Variants in KCNIP4 observed in about 807,000 individuals in gnomAD.
KCNIP4 encodes potassium voltage-gated channel interacting protein 4.
Under a neutral mutation model 34.0 loss-of-function variants are expected in KCNIP4, and 12 were observed. The observed-to-expected ratio is 0.35, with a 90% CI of 0.23 to 0.57. The LOEUF is 0.57. Among genes scored for constraint, KCNIP4 ranks in the 20% least tolerant of loss-of-function variants. KCNIP4 has a pLI of 0.83. For synonymous variants in KCNIP4, 124 were observed against 102.2 expected, an observed-to-expected ratio of 1.21 and a Z score of -1.29; for missense variants, 238 against 311.7, an observed-to-expected ratio of 0.76 and a Z score of 1.78.
chr4:21,497,248 T>C (rs563074187), intron 1 of KCNIP4, among the ~76,000 whole-genome samples: 5 of 152,280 alleles, frequency 3.3e-5, no homozygotes, highest in Non-Finnish European at 5.9e-5. Flanking sequence ...GCCAGGAAGA[T>C]TGATATAGTG....
At chr4:21,840,258 C>T (rs1254299619) in intron 1 of KCNIP4, among the ~76,000 whole-genome samples, 1 of 151,550 alleles carries the variant, frequency 6.6e-6, no homozygotes, top group Non-Finnish European at 1.5e-5. Flanking sequence ...AATGTCATTC[C>T]GGTGATGGGT....
At chr4:21,890,029 T>C (rs1257504869) in intron 1 of KCNIP4, among the ~76,000 whole-genome samples, 1 of 152,088 alleles carries the variant, frequency 6.6e-6, no homozygotes, top group Non-Finnish European at 1.5e-5. Context: ...TCTGATGGGA[T>C]TGCTGGTCAC....
intron 1 of KCNIP4, among the ~76,000 whole-genome samples, chr4:21,109,548 G>A (rs4555634): frequency 0.43 from 65,413 of 152,006 alleles, 14,333 homozygotes; most frequent in African/African-American, 0.51. Context: ...GACCCCTTGC[G>A]CTTCCCGAGT....
intron 1 of KCNIP4, among the ~76,000 whole-genome samples, chr4:21,932,226 C>T (rs924761341): frequency 7.9e-5 from 12 of 151,978 alleles, no homozygotes; most frequent in East Asian, 5.8e-4. Context: ...TAGGCTTCTC[C>T]GTAACTGATA....
chr4:21,900,869 T>C (rs1228382258), intron 1 of KCNIP4, among the ~76,000 whole-genome samples: 1 of 152,222 alleles, frequency 6.6e-6, no homozygotes, highest in Non-Finnish European at 1.5e-5. Flanking sequence ...GTCACTTTAA[T>C]GACTACAACA....
chr4:21,530,056 A>C (rs1736546914), intron 1 of KCNIP4, among the ~76,000 whole-genome samples: 2 of 152,178 alleles, frequency 1.3e-5, no homozygotes, highest in African/African-American at 4.8e-5. Flanking sequence ...TACAGTCTAC[A>C]ATTGAGCGCA....
chr4:21,280,694 G>A (rs902837193), intron 1 of KCNIP4, among the ~76,000 whole-genome samples: 5 of 152,172 alleles, frequency 3.3e-5, no homozygotes, highest in African/African-American at 1.2e-4. Flanking sequence ...CCACCAGTGA[G>A]ACTTGGGTCA....
chr4:21,197,613 A>T (rs918003029), intron 1 of KCNIP4, among the ~76,000 whole-genome samples: 3 of 152,192 alleles, frequency 2.0e-5, no homozygotes, highest in Admixed American at 2.0e-4. Flanking sequence ...AATCAGCTGT[A>T]TTTATTGCAA....
Position 21,899,227 on chromosome 4 carries a change from A to T in KCNIP4, c.61+49344T>A, listed in dbSNP as rs896388283. The stretch of plus-strand genomic sequence containing the variant: ...AGATTCCAAAAAAGGCATTTGATAC[A>T]ATCAACATCCCTTCATGATAAAAAC... On this transcript the variant is annotated intron_variant, in intron 1 of 8. Coordinates refer to ENST00000382152, the MANE Select transcript of KCNIP4 (RefSeq NM_025221.6). Among the ~76,000 whole-genome samples, 9 of 152,208 alleles carry T rather than the reference A, an allele frequency of 5.9e-5. No individual in the cohort carries two copies. In the East Asian group the frequency reaches 1.7e-3, roughly 29 times the overall value.
At chr4:21,598,189 A>C (rs1385913397) in intron 1 of KCNIP4, among the ~76,000 whole-genome samples, 1 of 152,158 alleles carries the variant, frequency 6.6e-6, no homozygotes, top group Non-Finnish European at 1.5e-5. Flanking sequence ...TACATGCAAC[A>C]ATTTTGTAAG....
intron 1 of KCNIP4, among the ~76,000 whole-genome samples, chr4:21,930,359 C>T (rs535558139): frequency 1.3e-5 from 2 of 152,228 alleles, no homozygotes; most frequent in South Asian, 4.1e-4. Flanking sequence ...ATTGTTCGTA[C>T]CATTTTTCTA....
chr4:21,906,109 T>C (rs1451772787), intron 1 of KCNIP4, among the ~76,000 whole-genome samples: 1 of 152,196 alleles, frequency 6.6e-6, no homozygotes, highest in Non-Finnish European at 1.5e-5. Flanking sequence ...ACAGTGGCAA[T>C]GTTAAGTGGC....
chr4:20,864,486 C>T (rs1722666931), intron 2 of KCNIP4, among the ~76,000 whole-genome samples: 1 of 150,342 alleles, frequency 6.7e-6, no homozygotes, highest in Admixed American at 6.6e-5. Context: ...AAGATACCAA[C>T]ACAGAGAGAC....
intron 1 of KCNIP4, among the ~76,000 whole-genome samples, chr4:21,586,064 T>C (rs1375793257): frequency 2.0e-5 from 3 of 152,076 alleles, no homozygotes; most frequent in Non-Finnish European, 1.5e-5. Flanking sequence ...ACTCACACTG[T>C]GTGATTTAAT....
intron 1 of KCNIP4, among the ~76,000 whole-genome samples, chr4:21,860,907 T>A (rs1725037012): frequency 6.6e-6 from 1 of 152,154 alleles, no homozygotes; most frequent in Non-Finnish European, 1.5e-5. Flanking sequence ...ATTCTGAAAT[T>A]TTTTTCTTAC....
chr4:20,734,558 C>A, intron 6 of KCNIP4, 70 bp downstream of exon 6: 6 of 731,066 alleles, frequency 8.2e-6, no homozygotes, highest in South Asian at 7.8e-5. Context: ...TTAATAATTG[C>A]AATTAATATT....
intron 1 of KCNIP4, among the ~76,000 whole-genome samples, chr4:21,521,122 C>T (rs1295503860): frequency 6.6e-6 from 1 of 152,092 alleles, no homozygotes; most frequent in East Asian, 1.9e-4. Context: ...CACAGTGCTC[C>T]TTCCACAGGG....
intron 1 of KCNIP4, among the ~76,000 whole-genome samples, chr4:20,888,076 T>TA (rs1483718389): frequency 6.6e-6 from 1 of 151,500 alleles, no homozygotes; most frequent in African/African-American, 2.4e-5. Flanking sequence ...AGGGAAGCAG[T>TA]AAAAAATAAT....
intron 1 of KCNIP4, among the ~76,000 whole-genome samples, chr4:21,246,917 TATA>T (rs761024535): frequency 3.2e-4 from 49 of 152,142 alleles, no homozygotes; most frequent in Non-Finnish European, 2.8e-4. Flanking sequence ...ATTATGAAAA[TATA>T]ATAAGTAATT....
Sources: allele counts gnomAD v4.1 joint callset (sites outside exome capture counted in the v4.1 genomes callset), GRCh38; gene constraint gnomAD v4.1.1; transcripts MANE v1.5; gene names NCBI Gene and HGNC (gene_info 2026-07-23, HGNC 2026-07-21).